The following CSMD1 variants were observed in gnomAD, a reference collection of about 807,000 sequenced individuals.
The protein encoded by CSMD1 is CUB and Sushi multiple domains 1.
Under a neutral mutation model 417.5 loss-of-function variants are expected in CSMD1, and 213 were observed. The ratio of observed to expected loss-of-function variants is 0.51; its 90% CI spans 0.46 to 0.57. The LOEUF (loss-of-function observed/expected upper bound fraction) is 0.57. Among genes scored for constraint, CSMD1 ranks in the 20% least tolerant of loss-of-function variants. The pLI, the probability that CSMD1 is intolerant of heterozygous loss-of-function variation, is 0.00. For synonymous variants in CSMD1, 2,862 were observed against 1,736.8 expected (o/e 1.65, Z -16.11); for missense variants, 6,923 against 4,529.7 (o/e 1.53, Z -15.17).
chr8:4,554,584 A>G (rs1045965644), intron 2 of CSMD1, among the ~76,000 whole-genome samples: 1 of 152,200 alleles, frequency 6.6e-6, no homozygotes, highest in African/African-American at 2.4e-5. Flanking sequence ...TGTATATGAC[A>G]TTTAAATATC....
intron 3 of CSMD1, among the ~76,000 whole-genome samples, chr8:4,078,605 T>C (rs1467834550): frequency 2.0e-5 from 3 of 148,264 alleles, no homozygotes; most frequent in Non-Finnish European, 3.0e-5. Flanking sequence ...TTATGAAATA[T>C]AATTTTTTTT....
chr8:3,339,060 C>A (rs1807470174), intron 23 of CSMD1, among the ~76,000 whole-genome samples: 2 of 144,908 alleles, frequency 1.4e-5, no homozygotes, highest in African/African-American at 5.1e-5. Context: ...TGTTCAATTC[C>A]CACCTATGAG....
intron 7 of CSMD1, among the ~76,000 whole-genome samples, chr8:3,657,469 G>C (rs190189117): frequency 6.6e-6 from 1 of 152,084 alleles, no homozygotes; most frequent in East Asian, 1.9e-4. Flanking sequence ...TGATAGACTG[G>C]ATAAAGAAAA....
At chr8:4,806,168 G>A (rs1798574788) in intron 1 of CSMD1, among the ~76,000 whole-genome samples, 1 of 152,166 alleles carries the variant, frequency 6.6e-6, no homozygotes, top group Non-Finnish European at 1.5e-5. Context: ...TCAATTGCAT[G>A]TGAAGCACCC....
chr8:4,850,250 T>C (rs893296621), intron 1 of CSMD1, among the ~76,000 whole-genome samples: 12 of 152,210 alleles, frequency 7.9e-5, no homozygotes, highest in African/African-American at 2.9e-4. Flanking sequence ...GTACTTTCTA[T>C]GTTCTAGATG....
At chr8:4,214,644 G>A (rs2128804052) in intron 3 of CSMD1, among the ~76,000 whole-genome samples, 1 of 152,240 alleles carries the variant, frequency 6.6e-6, no homozygotes, top group East Asian at 1.9e-4. Context: ...GTATTTGCAT[G>A]CACGTGTATG....
At chr8:4,165,526 G>C (rs1647295) in intron 3 of CSMD1, among the ~76,000 whole-genome samples, 152,121 of 152,302 alleles carry the variant, frequency 1, 75,971 homozygotes, top group Non-Finnish European at 1. Context: ...ACCTCAGCCT[G>C]CCAAGTAGGT....
intron 6 of CSMD1, among the ~76,000 whole-genome samples, chr8:3,739,905 T>C (rs992262440): frequency 2.0e-5 from 3 of 152,146 alleles, no homozygotes; most frequent in Non-Finnish European, 4.4e-5. Context: ...GTTGCAGCCT[T>C]CAAGCAATGA....
chr8:3,295,793 C>G (rs549239840), intron 25 of CSMD1, among the ~76,000 whole-genome samples: 39 of 152,218 alleles, frequency 2.6e-4, no homozygotes, highest in African/African-American at 8.2e-4. Flanking sequence ...GGAATGGTGT[C>G]TTGTTTAAAT....
At chr8:3,051,730 G>C (rs554802430) in intron 50 of CSMD1, among the ~76,000 whole-genome samples, 1 of 152,052 alleles carries the variant, frequency 6.6e-6, no homozygotes, top group African/African-American at 2.4e-5. Context: ...TTTTAACTTA[G>C]AAAAATTGGG....
chr8:4,463,265 A>G (rs902952658), intron 2 of CSMD1, among the ~76,000 whole-genome samples: 2 of 152,058 alleles, frequency 1.3e-5, no homozygotes, highest in African/African-American at 4.8e-5. Context: ...TAAAATAGGT[A>G]CCATCAAAAA....
intron 10 of CSMD1, among the ~76,000 whole-genome samples, chr8:3,501,438 G>C (rs188598254): frequency 6.6e-6 from 1 of 152,164 alleles, no homozygotes; most frequent in African/African-American, 2.4e-5. Context: ...CAAATGAATA[G>C]GAAAAATATT....
intron 31 of CSMD1, among the ~76,000 whole-genome samples, chr8:3,203,338 G>T (rs891814332): frequency 6.6e-6 from 1 of 152,134 alleles, no homozygotes; most frequent in Admixed American, 6.5e-5. Flanking sequence ...CTGAGTCCCA[G>T]TGAGCAAACT....
intron 1 of CSMD1, among the ~76,000 whole-genome samples, chr8:4,943,173 T>C (rs184413673): frequency 3.3e-5 from 5 of 152,320 alleles, no homozygotes; most frequent in Admixed American, 3.3e-4. Context: ...TCATTATGTA[T>C]ACCGTTTTCA....
At chr8:4,716,754 CT>C (rs1399079208) in intron 1 of CSMD1, among the ~76,000 whole-genome samples, 3 of 152,098 alleles carry the variant, frequency 2.0e-5, no homozygotes, top group Non-Finnish European at 2.9e-5. Context: ...AAACTGAGGT[CT>C]AAATAAACAA....
chr8:3,040,167 AG>A (rs1236301259), intron 50 of CSMD1, among the ~76,000 whole-genome samples: 9 of 152,152 alleles, frequency 5.9e-5, no homozygotes, highest in African/African-American at 2.2e-4. Context: ...AAAGATTGAA[AG>A]AAGGAACGAA....
intron 10 of CSMD1, among the ~76,000 whole-genome samples, chr8:3,522,215 T>C (rs940670934): frequency 2.3e-4 from 35 of 152,234 alleles, no homozygotes; most frequent in African/African-American, 7.7e-4. Flanking sequence ...TTTATTATTT[T>C]ATCTTACATA....
intron 3 of CSMD1, among the ~76,000 whole-genome samples, chr8:4,125,411 A>T (rs1274880925): frequency 6.6e-6 from 1 of 152,156 alleles, no homozygotes; most frequent in Non-Finnish European, 1.5e-5. Context: ...TTCTGGACGA[A>T]ACCAATGCAC....
At chr8:4,654,744 G>A (rs898676410) in intron 1 of CSMD1, among the ~76,000 whole-genome samples, 1 of 152,082 alleles carries the variant, frequency 6.6e-6, no homozygotes, top group Non-Finnish European at 1.5e-5. Context: ...TTCAGACAGA[G>A]AAGAAAACTT....
Sources: gnomAD v4.1 joint callset for allele counts (sites outside exome capture counted in the v4.1 genomes callset) on GRCh38, gnomAD v4.1.1 for gene constraint, MANE v1.5 for transcripts, NCBI Gene and HGNC (gene_info 2026-07-23, HGNC 2026-07-21) for gene names.